The following MRAP variants were observed in gnomAD, a reference collection of about 807,000 sequenced individuals.
The protein encoded by MRAP is melanocortin-2 receptor accessory protein.
Under a neutral mutation model 8.7 loss-of-function variants are expected in MRAP, and 8 were observed. That is an observed-to-expected ratio of 0.92 (90% CI 0.54 to 1.66). MRAP has a LOEUF of 1.66. Ranked by LOEUF, MRAP falls within the 40% of genes most tolerant of loss-of-function variation. The pLI is 0.00. For missense variants in MRAP, 237 were observed against 217.1 expected, an observed-to-expected ratio of 1.09 and a Z score of -0.58; for synonymous variants, 95 against 95.5, an observed-to-expected ratio of 1.00 and a Z score of 0.03.
intron 2 of MRAP, 159 bp from the exon 3 acceptor site, chr21:32,311,525 C>A (rs958067791): frequency 5.6e-5 from 59 of 1,054,224 alleles, no homozygotes; most frequent in Non-Finnish European, 6.4e-5. Flanking sequence ...AGAATGGCCA[C>A]CTTTGTGAGC....
At chr21:32,306,937 G>A (rs1465548608) in intron 2 of MRAP, 198 bp downstream of exon 2, 3 of 643,900 alleles carry the variant, frequency 4.7e-6, no homozygotes, top group Non-Finnish European at 8.5e-6. Flanking sequence ...CATTTCCTTT[G>A]AGCCTCATGT....
At chr21:32,296,816 T>C (rs1203743498), upstream of MRAP, among the ~76,000 whole-genome samples, 1 of 152,162 alleles carries the variant, frequency 6.6e-6, no homozygotes, top group African/African-American at 2.4e-5. Context: ...TTACCATGAA[T>C]GAAGCCTCCA....
At chr21:32,297,154 G>C (rs112517831), upstream of MRAP, among the ~76,000 whole-genome samples, 13 of 152,290 alleles carry the variant, frequency 8.5e-5, no homozygotes, top group African/African-American at 2.6e-4. Flanking sequence ...GAGTAATGGG[G>C]TAAGAGAAGC....
chr21:32,310,330 C>A (rs1430275415), intron 2 of MRAP, among the ~76,000 whole-genome samples: 8 of 151,328 alleles, frequency 5.3e-5, no homozygotes. Flanking sequence ...CTGACACCTT[C>A]CCATGATGGG....
At chr21:32,306,480 T>C (rs988589837) in intron 1 of MRAP, 160 bp from the exon 2 acceptor site, 5 of 694,724 alleles carry the variant, frequency 7.2e-6, no homozygotes, top group African/African-American at 5.3e-5. Flanking sequence ...CCCAAAGTTA[T>C]TGTTAATGGG....
intron 1 of MRAP, 107 bp from the exon 2 acceptor site, chr21:32,306,533 G>A (rs942677772): frequency 1.0e-5 from 9 of 874,358 alleles, no homozygotes; most frequent in East Asian, 1.0e-4. Context: ...GAGGACAACC[G>A]AAACTCAGGG....
At chr21:32,299,199 A>T in intron 1 of MRAP, 122 bp downstream of exon 1, 1 of 758,918 alleles carries the variant, frequency 1.3e-6, no homozygotes, top group Non-Finnish European at 2.3e-6. Flanking sequence ...GGAAAGCAGG[A>T]ATGTGGCCAG....
At chr21:32,298,568 A>T (rs578213700), upstream of MRAP, among the ~76,000 whole-genome samples, 1 of 152,076 alleles carries the variant, frequency 6.6e-6, no homozygotes. Flanking sequence ...TTAACTTTTC[A>T]AGTATTTAAG....
At chr21:32,300,438 C>T (rs1388140886) in intron 1 of MRAP, among the ~76,000 whole-genome samples, 2 of 150,212 alleles carry the variant, frequency 1.3e-5, no homozygotes, top group South Asian at 2.1e-4. Flanking sequence ...ATGCGTCATG[C>T]GTCCTATGTC....
chr21:32,314,654 C>T (rs141248659), downstream of MRAP: 66 of 1,613,722 alleles, frequency 4.1e-5, no homozygotes, highest in Middle Eastern at 1.6e-4. Flanking sequence ...GGCGGCCTGA[C>T]GAGGCACTGG....
chr21:32,311,408 AC>A (rs2032565718), intron 2 of MRAP: 5 of 213,738 alleles, frequency 2.3e-5, no homozygotes, highest in South Asian at 6.0e-5. Flanking sequence ...GCTCCCCTCC[AC>A]CCCCCACCCC....
downstream of MRAP, chr21:32,312,973 C>G (rs1471371308): frequency 6.6e-6 from 1 of 152,190 alleles, no homozygotes; most frequent in African/African-American, 2.4e-5. Context: ...AATACACGAA[C>G]AAGGTCAGGG....
chr21:32,308,644 T>C (rs1449112244), intron 2 of MRAP: 1 of 152,702 alleles, frequency 6.5e-6, no homozygotes, highest in Non-Finnish European at 1.5e-5. Context: ...CCCTATATTT[T>C]GCCATCGCTC....
intron 2 of MRAP, among the ~76,000 whole-genome samples, chr21:32,309,059 G>A (rs1293013497): frequency 6.6e-6 from 1 of 152,192 alleles, no homozygotes; most frequent in Non-Finnish European, 1.5e-5. Context: ...AATACCTGAG[G>A]CTGAGTAATT....
At chr21:32,301,472 C>T (rs2032297511) in intron 1 of MRAP, among the ~76,000 whole-genome samples, 1 of 152,178 alleles carries the variant, frequency 6.6e-6, no homozygotes, top group African/African-American at 2.4e-5. Context: ...TCGTAAGTTT[C>T]CTGAGGTCTC....
At chr21:32,294,898 A>G (rs773754380), upstream of MRAP, among the ~76,000 whole-genome samples, 1 of 152,090 alleles carries the variant, frequency 6.6e-6, no homozygotes, top group African/African-American at 2.4e-5. Flanking sequence ...TTACTCTTGC[A>G]TATCTTTTGT....
chr21:32,294,281 A>AT (rs2032101322), upstream of MRAP, among the ~76,000 whole-genome samples: 1 of 151,804 alleles, frequency 6.6e-6, no homozygotes, highest in African/African-American at 2.4e-5. Context: ...CACCTGGCTA[A>AT]TTTTTTTGTA....
In MRAP at chr21:32,299,078, G is replaced by A. The variant is rs566223651; in HGVS notation, c.106+1G>A. 1.6e-5 allele frequency: 26 copies of A among 1,612,990 alleles called. No homozygotes were observed. Among genetic ancestry groups the A allele is most frequent in the South Asian group, 3.3e-5 (3 of 91,030 alleles). ...GAGAAGAAGCTGAAAGCCCACAAAC[G>A]TAAGTCTGAACTAGGGAAGCCGGTC... On this transcript the variant is annotated splice_donor_variant, in intron 1 of 2. Coordinates refer to ENST00000303645, the MANE Select transcript of MRAP (RefSeq NM_001379228.1). LOFTEE classifies it high-confidence loss of function.
chr21:32,311,433 CAAT>C (rs1483344613), intron 2 of MRAP: 1 of 147,000 alleles, frequency 6.8e-6, no homozygotes, highest in East Asian at 2.0e-4. Flanking sequence ...CATCCTAAAT[CAAT>C]GTAGGAAGAA....
Sources: gnomAD v4.1 joint callset for allele counts (sites outside exome capture counted in the v4.1 genomes callset) on GRCh38, gnomAD v4.1.1 for gene constraint, MANE v1.5 for transcripts, NCBI Gene and HGNC (gene_info 2026-07-23, HGNC 2026-07-21) for gene names.